Variants in MORC4 observed in about 807,000 individuals in gnomAD.
The protein encoded by MORC4 is MORC family CW-type zinc finger 4, also known as MORC family CW-type zinc finger protein 4.
MORC4 carries 22 observed loss-of-function variants against 65.5 expected under a neutral mutation model. That is an observed-to-expected ratio of 0.34 (90% CI 0.24 to 0.48). MORC4 has a LOEUF of 0.48. Ranked by LOEUF, MORC4 falls within the 20% of genes least tolerant of loss-of-function variation. The pLI, the probability that MORC4 is intolerant of heterozygous loss-of-function variation, is 0.99. For synonymous variants in MORC4, 267 were observed against 255.8 expected (o/e 1.04, Z -0.42); for missense variants, 624 against 703.0 (o/e 0.89, Z 1.27).
chrX:106,985,805 G>A (rs1407661464), intron 4 of MORC4, among the ~76,000 whole-genome samples, 178 bp downstream of exon 4: 1 of 112,075 alleles, frequency 8.9e-6, no homozygotes, highest in Non-Finnish European at 1.9e-5. Context: ...CTAAGCTTAT[G>A]TCAATGTTCT....
In MORC4 at chrX:106,980,928, G is replaced by C; in HGVS notation, c.899C>G (p.Ala300Gly). ...VTTQMIAKSL[A>G]NVEYDTYKPT... is the part of the protein sequence containing the mutation. ...TTTATATGTATCATATTCTACATTG[G>C]CCAGGCTCTTGGCAATCATCTGGGT... The change falls in exon 7 of 17, where the codon GCC becomes GGC. Residue 300 changes from alanine (A) to glycine (G), a missense_variant. Transcript: ENST00000355610. 7.5e-6 allele frequency: 9 copies of C among 1,207,369 alleles called. No homozygotes were observed. The highest frequency in any genetic ancestry group is 1.0e-5 in the Non-Finnish European group (9 of 891,668).
chrX:106,978,780 A>G (rs1602499142), intron 7 of MORC4, among the ~76,000 whole-genome samples: 1 of 111,859 alleles, frequency 8.9e-6, no homozygotes, highest in East Asian at 2.8e-4. Flanking sequence ...TAAGAGCTGT[A>G]AATGGTCCAA....
intron 13 of MORC4, among the ~76,000 whole-genome samples, chrX:106,955,992 T>C (rs909933096): frequency 9.0e-6 from 1 of 111,434 alleles, no homozygotes; most frequent in Non-Finnish European, 1.9e-5. Context: ...TGGGCAACCA[T>C]GTCCGAGAGA....
chrX:106,953,127 C>T (rs1342454259), intron 14 of MORC4, among the ~76,000 whole-genome samples: 1 of 111,908 alleles, frequency 8.9e-6, no homozygotes, highest in African/African-American at 3.2e-5. Flanking sequence ...ACCTCACTCT[C>T]GATATAGCAA....
At chrX:106,999,568 C>T in intron 2 of MORC4, 109 bp downstream of exon 2, 2 of 750,502 alleles carry the variant, frequency 2.7e-6, no homozygotes, top group East Asian at 9.6e-5. Context: ...GGCCCCCACC[C>T]CAGCCCCGGC....
At chrX:106,971,640 T>C (rs1347888766) in intron 9 of MORC4, among the ~76,000 whole-genome samples, 1 of 111,231 alleles carries the variant, frequency 9.0e-6, no homozygotes, top group Non-Finnish European at 1.9e-5. Flanking sequence ...AACAACCCCA[T>C]CAAAAAATGG....
intron 3 of MORC4, among the ~76,000 whole-genome samples, chrX:106,987,123 TTAGA>T (rs1275411744): frequency 2.7e-5 from 3 of 111,570 alleles, no homozygotes; most frequent in Non-Finnish European, 5.7e-5. Flanking sequence ...AAACTTATAG[TTAGA>T]TAGAAGAAAA....
Position 106,999,898 on chromosome X carries a change from G to A in MORC4, c.72C>T (p.Gly24=). The change falls in exon 1 of 17, where the codon GGC becomes GGT. Residue 24 remains glycine, a synonymous_variant. Transcript: ENST00000355610. The part of the protein sequence containing the change: ...PGCGLARPGG[G]PQAFGIRLST... ...TCAGGCGGATCCCGAAGGCCTGCGG[G>A]CCGCCGCCGGGCCGGGCCAGCCCGC... 1 of 826,493 alleles carries A rather than the reference G, an allele frequency of 1.2e-6. No homozygotes were observed. Among genetic ancestry groups the A allele is most frequent in the Non-Finnish European group, 1.5e-6 (1 of 686,957 alleles). 68.1% of individuals were successfully genotyped at this position (826,493 alleles called of 1,213,427 possible).
chrX:106,987,635 ATTT>A (rs935493081), intron 3 of MORC4, among the ~76,000 whole-genome samples: 1 of 111,413 alleles, frequency 9.0e-6, no homozygotes, highest in Non-Finnish European at 1.9e-5. Flanking sequence ...ATCTTTAACA[ATTT>A]TACTCTTTTG....
Position 106,989,448 on chromosome X carries a change from TAA to T in MORC4, c.309-3250_309-3249del, listed in dbSNP as rs958485021. Among the ~76,000 whole-genome samples, 5 of 112,634 alleles carry T rather than the reference TAA, an allele frequency of 4.4e-5. No homozygotes were observed. The Admixed American group carries it at 4.7e-4, about 11-fold the overall frequency. The stretch of plus-strand genomic sequence containing the variant: ...TTATCAGCCTGAAAATAGAGTTGCA[TAA>T]AGAGTTGGAAAGTGTGGACAGTGTA... On this transcript the variant is annotated intron_variant, in intron 3 of 16. Transcript: ENST00000355610.
intron 14 of MORC4, among the ~76,000 whole-genome samples, chrX:106,948,044 C>CA (rs997654718): frequency 1.8e-5 from 2 of 111,249 alleles, no homozygotes; most frequent in African/African-American, 6.5e-5. Context: ...CTACAAGTGT[C>CA]ACGCCTTCTT....
chrX:106,987,702 G>A (rs1357317037), intron 3 of MORC4, among the ~76,000 whole-genome samples: 1 of 111,217 alleles, frequency 9.0e-6, no homozygotes, highest in African/African-American at 3.3e-5. Flanking sequence ...GCGGTTTTGT[G>A]TTTACTCACT....
At position 106,941,642 on chromosome X, in the gene MORC4, GGAGT is replaced by G. The variant is rs778377670; in HGVS notation, c.2661-14_2661-11del. ...AAGCTTTGCCAAAGCCCTGTATGAAGGAGTGAGGGGGCAGGAGAAGAGATGACAT... is the reference window on the plus strand; with the variant it reads ...AAGCTTTGCCAAAGCCCTGTATGAAGGAGGGGGCAGGAGAAGAGATGACAT... On this transcript the variant is annotated splice_polypyrimidine_tract_variant and intron_variant, in intron 16 of 16. Coordinates refer to ENST00000355610, the MANE Select transcript of MORC4 (RefSeq NM_024657.5). 69 of 1,203,007 alleles carry G rather than the reference GGAGT, an allele frequency of 5.7e-5. No homozygotes were observed. Among genetic ancestry groups the G allele is most frequent in the Non-Finnish European group, 1.7e-5 (15 of 891,257 alleles).
intron 10 of MORC4, among the ~76,000 whole-genome samples, chrX:106,960,830 G>A (rs1356957936): frequency 8.9e-6 from 1 of 112,220 alleles, no homozygotes; most frequent in East Asian, 2.8e-4. Context: ...AGAATAAGAA[G>A]AGGGTGATAT....
chrX:106,980,208 A>G (rs1461299545), intron 7 of MORC4, among the ~76,000 whole-genome samples: 3 of 111,398 alleles, frequency 2.7e-5, no homozygotes, highest in Admixed American at 9.6e-5. Flanking sequence ...TAATTTCCAT[A>G]GTTCATCTTA....
chrX:106,971,720 CTCA>C (rs1270873572), intron 9 of MORC4, among the ~76,000 whole-genome samples: 1 of 112,253 alleles, frequency 8.9e-6, no homozygotes. Context: ...GAAAAAAATG[CTCA>C]TCATCACTGG....
intron 8 of MORC4, among the ~76,000 whole-genome samples, chrX:106,977,625 T>C (rs1934653020): frequency 9.0e-6 from 1 of 111,492 alleles, no homozygotes. Context: ...TACATAAAGG[T>C]CAGGAAATTG....
chrX:106,943,322 A>G, intron 14 of MORC4, 117 bp from the exon 15 acceptor site: 2 of 544,722 alleles, frequency 3.7e-6, no homozygotes, highest in Admixed American at 3.6e-5. Flanking sequence ...TGTTACCCAC[A>G]GACAAGTCCA....
At chrX:106,999,301 G>A (rs1331624672) in intron 2 of MORC4, among the ~76,000 whole-genome samples, 1 of 111,372 alleles carries the variant, frequency 9.0e-6, no homozygotes, top group African/African-American at 3.3e-5. Flanking sequence ...ACGCCCCTTT[G>A]CTAGCTAGGC....
Sources: gnomAD v4.1 joint callset for allele counts (sites outside exome capture counted in the v4.1 genomes callset) on GRCh38, gnomAD v4.1.1 for gene constraint, MANE v1.5 for transcripts, NCBI Gene and HGNC (gene_info 2026-07-23, HGNC 2026-07-21) for gene names.